EFHC1: variants seen among roughly 807,000 people sequenced by gnomAD.
EFHC1 encodes EF-hand domain containing 1.
In EFHC1, 53 loss-of-function variants were observed where a neutral mutation model predicts 69.9. The observed-to-expected ratio is 0.76, with a 90% CI of 0.61 to 0.95. The LOEUF (loss-of-function observed/expected upper bound fraction) is 0.95. Ranked by LOEUF, EFHC1 falls within the 40% of genes least tolerant of loss-of-function variation. The probability of loss-of-function intolerance (pLI) is 0.00; values close to 1 mark genes in which losing one functional copy is unlikely to be tolerated. For missense variants in EFHC1, 739 were observed against 798.7 expected, an observed-to-expected ratio of 0.93 and a Z score of 0.90; for synonymous variants, 256 against 278.4, an observed-to-expected ratio of 0.92 and a Z score of 0.80.
intron 5 of EFHC1, among the ~76,000 whole-genome samples, chr6:52,462,228 AT>A (rs781547348): frequency 5.9e-5 from 9 of 151,986 alleles, no homozygotes; most frequent in Non-Finnish European, 8.8e-5. Context: ...TTAAAAAAAA[AT>A]ATTGTCAGAA....
intron 9 of EFHC1, chr6:52,484,015 A>C (rs1327397736): frequency 6.6e-6 from 1 of 152,298 alleles, no homozygotes; most frequent in African/African-American, 2.4e-5. Flanking sequence ...AGTCAGGAGA[A>C]GTTTTTGTTT....
At chr6:52,475,929 A>G (rs2114019798) in intron 7 of EFHC1, among the ~76,000 whole-genome samples, 1 of 152,360 alleles carries the variant, frequency 6.6e-6, no homozygotes, top group Middle Eastern at 3.4e-3. Flanking sequence ...ATGATGGGGA[A>G]GGGGCTCATT....
intron 7 of EFHC1, among the ~76,000 whole-genome samples, chr6:52,470,136 G>A (rs1342711745): frequency 6.6e-6 from 1 of 152,112 alleles, no homozygotes; most frequent in African/African-American, 2.4e-5. Context: ...AGGAGCTGGG[G>A]GTAGGAGGTG....
Position 52,492,414 on chromosome 6 carries a change from T to C in EFHC1, c.*73T>C, listed in dbSNP as rs1765925824. The C allele has an allele frequency of 1.4e-6, 2 of 1,419,128 alleles. No homozygotes were observed. Among genetic ancestry groups the C allele is most frequent in the Non-Finnish European group, 9.9e-7 (1 of 1,011,516 alleles). The allele number at this position is 1,419,128 out of a possible 1,614,324, so 87.9% of individuals were successfully genotyped here. On this transcript the variant is annotated 3_prime_UTR_variant, in exon 11 of 11. Coordinates refer to ENST00000371068, the MANE Select transcript of EFHC1 (RefSeq NM_018100.4). ...TTTGAAATACACCTTACACTCTTCA[T>C]AGAGGCATTTACAGGGTTCCTGAAG...
chr6:52,473,137 C>T lies in EFHC1; in HGVS notation c.1278+3664C>T, dbSNP rs539360708. On this transcript the variant is annotated intron_variant, in intron 7 of 10. Transcript: ENST00000371068. ...GTGGATTTTGCTCACAAAAATATCA[C>T]TGTGTATTAAAAGTCACAGTAATTA... Among the ~76,000 whole-genome samples the T allele has an allele frequency of 7.9e-5, 12 of 152,266 alleles. No individual in the cohort carries two copies. In the South Asian group the frequency reaches 2.1e-3, roughly 26 times the overall value.
intron 5 of EFHC1, 102 bp from the exon 6 acceptor site, chr6:52,464,793 T>C (rs1311427274): frequency 1.2e-5 from 11 of 953,320 alleles, no homozygotes; most frequent in South Asian, 2.8e-5. Context: ...AGCAAAAGAC[T>C]GCACTCCCTC....
chr6:52,431,931 C>T (rs1163647545), intron 2 of EFHC1, among the ~76,000 whole-genome samples: 1 of 152,120 alleles, frequency 6.6e-6, no homozygotes, highest in African/African-American at 2.4e-5. Flanking sequence ...TTGGACAGGT[C>T]TTTTATCATT....
rs1465489319 is a variant in EFHC1 at position 52,494,593 on chromosome 6, T to C, written c.*2252T>C. On this transcript the variant is annotated 3_prime_UTR_variant, in exon 11 of 11. Transcript: ENST00000371068. ...TCTCCCAGAGCACCTTTTCTCTCTT[T>C]TTGGATTCAGGGGGTACATGTGCAG... 2.2e-6 allele frequency: 1 copy of C among 454,004 alleles called. No individual in the cohort carries two copies. Among genetic ancestry groups the C allele is most frequent in the Non-Finnish European group, 4.4e-6 (1 of 226,798 alleles). 28.1% of individuals were successfully genotyped at this position (454,004 alleles called of 1,614,324 possible). A position where few individuals can be genotyped will look rare whatever the true frequency, so the allele number is the denominator to read the frequency against.
chr6:52,482,952 T>C (rs2114028160), intron 9 of EFHC1: 1 of 397,994 alleles, frequency 2.5e-6, no homozygotes, highest in Non-Finnish European at 4.4e-6. Flanking sequence ...ATTCTCTCTT[T>C]TGATTTTCCA....
intron 7 of EFHC1, among the ~76,000 whole-genome samples, chr6:52,470,162 A>G (rs1300818992): frequency 6.6e-6 from 1 of 152,202 alleles, no homozygotes; most frequent in African/African-American, 2.4e-5. Context: ...TGACTTTTCA[A>G]ACTATATACA....
intron 5 of EFHC1, among the ~76,000 whole-genome samples, chr6:52,455,827 G>A (rs183794386): frequency 2.8e-4 from 43 of 152,252 alleles, no homozygotes; most frequent in Admixed American, 1.2e-3. Flanking sequence ...GGAGTTGGAG[G>A]TTTCCATCAT....
intron 5 of EFHC1, among the ~76,000 whole-genome samples, chr6:52,462,477 A>G (rs888078076): frequency 6.6e-6 from 1 of 152,206 alleles, no homozygotes; most frequent in Non-Finnish European, 1.5e-5. Flanking sequence ...CAAAGGTAAC[A>G]GAGAAGATTT....
intron 9 of EFHC1, chr6:52,486,666 C>T (rs1229566594): frequency 6.6e-6 from 1 of 152,156 alleles, no homozygotes; most frequent in South Asian, 2.1e-4. Flanking sequence ...TCAGTTTTCT[C>T]ACCCTTCATC....
chr6:52,486,556 G>A (rs903351308), intron 9 of EFHC1: 14 of 152,034 alleles, frequency 9.2e-5, no homozygotes, highest in African/African-American at 3.4e-4. Context: ...CTTTTCCCAT[G>A]AGAATTTTCC....
At chr6:52,461,131 C>T (rs1049096684) in intron 5 of EFHC1, among the ~76,000 whole-genome samples, 1 of 151,952 alleles carries the variant, frequency 6.6e-6, no homozygotes, top group Non-Finnish European at 1.5e-5. Flanking sequence ...TATGAGTGAG[C>T]TTGTGTCATG....
Position 52,493,341 on chromosome 6 carries a change from T to C in EFHC1, c.*1000T>C, listed in dbSNP as rs552053511. ...TCATAATTGTGTGAGCAATTTCTTA[T>C]AACTCTCTCTTTCTCTCTCTCTACA... On this transcript the variant is annotated 3_prime_UTR_variant, in exon 11 of 11. Coordinates refer to ENST00000371068, the MANE Select transcript of EFHC1 (RefSeq NM_018100.4). 2 of 403,678 alleles carry C rather than the reference T, an allele frequency of 5.0e-6. No homozygotes were observed. The highest frequency in any genetic ancestry group is 1.9e-5 in the South Asian group (1 of 53,656). 25.0% of individuals were successfully genotyped at this position (403,678 alleles called of 1,614,324 possible).
intron 6 of EFHC1, among the ~76,000 whole-genome samples, chr6:52,467,296 C>T (rs1562458035): frequency 6.6e-6 from 1 of 151,784 alleles, no homozygotes; most frequent in Non-Finnish European, 1.5e-5. Flanking sequence ...ATTCTTGTGC[C>T]TCAGCCTCCC....
chr6:52,493,819 CTA>C lies in EFHC1; in HGVS notation c.*1480_*1481del, dbSNP rs1467460545. 4.4e-6 allele frequency: 2 copies of C among 454,074 alleles called. No homozygotes were observed. Among genetic ancestry groups the C allele is most frequent in the Admixed American group, 4.7e-5 (2 of 42,580 alleles). 28.1% of individuals were successfully genotyped at this position (454,074 alleles called of 1,614,324 possible). A position where few individuals can be genotyped will look rare whatever the true frequency, so the allele number is the denominator to read the frequency against. On this transcript the variant is annotated 3_prime_UTR_variant, in exon 11 of 11. Coordinates refer to ENST00000371068, the MANE Select transcript of EFHC1 (RefSeq NM_018100.4). ...GCCACTAAGTTCATCTTTAAACATGCTATCTCAAATTCCCCGAAGCCACCCAA... is the reference window on the plus strand; with the variant it reads ...GCCACTAAGTTCATCTTTAAACATGCTCTCAAATTCCCCGAAGCCACCCAA...
rs747306226 is a variant in EFHC1 at position 52,438,451 on chromosome 6, C to G, written c.433C>G (p.Gln145Glu). 1.2e-6 allele frequency: 2 copies of G among 1,614,084 alleles called. No homozygotes were observed. Among genetic ancestry groups the G allele is most frequent in the Admixed American group, 3.3e-5 (2 of 59,982 alleles). ...EPVVENSGIL[Q>E]GKLIKRQRLA... The stretch of plus-strand genomic sequence containing the variant: ...TGTTGTAGAAAATTCTGGAATCCTT[C>G]AAGGCAAGTTAATAAAACGCCAGCG... Residue 145 changes from glutamine (Q) to glutamate (E), a missense_variant, in exon 3 of 11, where the codon CAA (glutamine) becomes GAA (glutamate). Gln to Glu is a conservative substitution (Grantham distance 29). Coordinates refer to ENST00000371068, the MANE Select transcript of EFHC1 (RefSeq NM_018100.4).
Sources: allele counts gnomAD v4.1 joint callset (sites outside exome capture counted in the v4.1 genomes callset), GRCh38; gene constraint gnomAD v4.1.1; transcripts MANE v1.5; gene names NCBI Gene and HGNC (gene_info 2026-07-23, HGNC 2026-07-21).